Variants in MATR3 observed in about 807,000 individuals in gnomAD.
The protein encoded by MATR3 is matrin 3, also known as matrin-3.
MATR3 carries 4 observed loss-of-function variants against 85.5 expected under a neutral mutation model. The ratio of observed to expected loss-of-function variants is 0.05; its 90% CI spans 0.02 to 0.11. MATR3 has a LOEUF of 0.11. Ranked by LOEUF, MATR3 falls within the 10% of genes least tolerant of loss-of-function variation. The pLI is 1.00. For synonymous variants in MATR3, 336 were observed against 343.1 expected, an observed-to-expected ratio of 0.98 and a Z score of 0.23; for missense variants, 685 against 1,016.1, an observed-to-expected ratio of 0.67 and a Z score of 4.43.
chr5:139,294,815 G>T (rs1314124991), intron 1 of MATR3: 1 of 152,162 alleles, frequency 6.6e-6, no homozygotes, highest in East Asian at 1.9e-4. Context: ...TCTGTGTTCG[G>T]CATTTACCGT....
At chr5:139,301,611 C>T (rs981588742) in intron 1 of MATR3, among the ~76,000 whole-genome samples, 9 of 151,822 alleles carry the variant, frequency 5.9e-5, no homozygotes, top group African/African-American at 1.7e-4. Flanking sequence ...TATAAGCCAC[C>T]GCGCCCAGCC....
intron 2 of MATR3, among the ~76,000 whole-genome samples, chr5:139,309,611 T>A (rs1427149922): frequency 6.6e-6 from 1 of 152,126 alleles, no homozygotes; most frequent in Non-Finnish European, 1.5e-5. Flanking sequence ...AAATGCTAAA[T>A]TTAGGTTTAT....
intron 4 of MATR3, 159 bp from the exon 5 acceptor site, chr5:139,315,917 C>T: frequency 2.6e-6 from 2 of 758,142 alleles, no homozygotes; most frequent in Non-Finnish European, 4.5e-6. Context: ...AATTTGTATT[C>T]TTTTATTGTT....
intron 1 of MATR3, 139 bp downstream of exon 1, chr5:139,293,944 C>G: frequency 8.0e-7 from 1 of 1,243,310 alleles, no homozygotes; most frequent in Non-Finnish European, 1.0e-6. Flanking sequence ...TGCCTCCCTC[C>G]GCGTTGCGTA....
rs765314058 is a variant in MATR3, at chr5:139,331,672, C to T, written c.*2277C>T. The T allele has an allele frequency of 2.3e-6, 1 of 438,042 alleles. No individual in the cohort carries two copies. Among genetic ancestry groups the T allele is most frequent in the South Asian group, 1.6e-5 (1 of 60,804 alleles). The allele number at this position is 438,042 out of a possible 1,614,324, so 27.1% of individuals were successfully genotyped here. ...AAAGTGAATGAAACTTCTAGAAGTA[C>T]CTTGAGTTTGTTTTACAGTTCTTTT... On this transcript the variant is annotated 3_prime_UTR_variant, in exon 15 of 15. Transcript: ENST00000394805.
At chr5:139,309,263 T>C (rs887374009) in intron 2 of MATR3, among the ~76,000 whole-genome samples, 3 of 152,200 alleles carry the variant, frequency 2.0e-5, no homozygotes, top group Non-Finnish European at 4.4e-5. Context: ...GTCATTGTTA[T>C]AGCACCCCAC....
chr5:139,276,476 TGTTAAGAAA>T (rs2151850584), intron 2 of MATR3, among the ~76,000 whole-genome samples: 1 of 152,286 alleles, frequency 6.6e-6, no homozygotes, highest in African/African-American at 2.4e-5. Flanking sequence ...CCTCATAATG[TGTTAAGAAA>T]GTTTACCAAT....
Position 139,317,208 on chromosome 5 carries a change from C to T in MATR3, c.1182+103C>T, listed in dbSNP as rs757922406. On this transcript the variant is annotated intron_variant, in intron 6 of 14. Transcript: ENST00000394805. Reference sequence around the variant, plus strand: ...GTATGTATCGTGGTCCTTATGGGAACATTGCTGTAATTTGAAAACAATCAC... The same window carrying T: ...GTATGTATCGTGGTCCTTATGGGAATATTGCTGTAATTTGAAAACAATCAC... The T allele has an allele frequency of 2.7e-6, 3 of 1,115,480 alleles. No homozygotes were observed. In the Admixed American group the frequency reaches 5.7e-5, roughly 21 times the overall value. 69.1% of individuals were successfully genotyped at this position (1,115,480 alleles called of 1,614,324 possible).
In MATR3 at chr5:139,319,364, G is replaced by C; in HGVS notation, c.1465G>C (p.Asp489His). The change falls in exon 9 of 15, where the codon GAT becomes CAT. Residue 489 changes from aspartate to histidine, a missense_variant. Physicochemically the swap from Asp to His is moderately conservative, Grantham distance 81. Around this residue, in one of 9 missense-constraint regions of MATR3, gnomAD observed 30 missense variants for 23.9 expected, o/e 1.25. Transcript: ENST00000394805. ...KPEGKPDQKFDQKQELGRVIH... is the reference protein window; with the variant it reads ...KPEGKPDQKFHQKQELGRVIH... ...TGAAGGAAAGCCAGATCAGAAGTTT[G>C]ATCAAAAGCAAGAGCTTGGACGTGT... 6.2e-7 allele frequency: 1 copy of C among 1,614,124 alleles called. No individual in the cohort carries two copies. Among genetic ancestry groups the C allele is most frequent in the Non-Finnish European group, 8.5e-7 (1 of 1,180,028 alleles).
At position 139,315,767 on chromosome 5, in the gene MATR3, G is replaced by T; in HGVS notation, c.1016+29G>T. On this transcript the variant is annotated intron_variant, in intron 4 of 14. Transcript: ENST00000394805. Reference sequence around the variant, plus strand: ...AGTTAAATTTTTTAAGCTACCATTTGTAAAGGAGATCAATGTAAGGAATTC... The same window carrying T: ...AGTTAAATTTTTTAAGCTACCATTTTTAAAGGAGATCAATGTAAGGAATTC... 4 of 1,542,208 alleles carry T rather than the reference G, an allele frequency of 2.6e-6. No individual in the cohort carries two copies. In the South Asian group the frequency reaches 4.5e-5, roughly 17 times the overall value.
chr5:139,320,594 C>A (rs982902156), intron 9 of MATR3, among the ~76,000 whole-genome samples: 4 of 151,956 alleles, frequency 2.6e-5, no homozygotes, highest in Non-Finnish European at 5.9e-5. Flanking sequence ...TGGAGTGAGA[C>A]CCTGTCTCAA....
intron 1 of MATR3, among the ~76,000 whole-genome samples, chr5:139,300,930 C>G (rs1472148813): frequency 2.6e-5 from 4 of 152,208 alleles, no homozygotes; most frequent in African/African-American, 9.7e-5. Flanking sequence ...TCTCCTGCCT[C>G]AGCCTCCCGA....
intron 9 of MATR3, among the ~76,000 whole-genome samples, chr5:139,320,152 C>CA (rs1421374140): frequency 1.3e-5 from 2 of 150,838 alleles, no homozygotes; most frequent in Admixed American, 6.6e-5. Context: ...CCTAAAAATA[C>CA]AAAAAAATTA....
chr5:139,310,637 A>G (rs1754919830), intron 2 of MATR3: 1 of 152,208 alleles, frequency 6.6e-6, no homozygotes, highest in Non-Finnish European at 1.5e-5. Flanking sequence ...ATTGTTAAAT[A>G]GTCTACATGA....
chr5:139,321,936 A>T lies in MATR3; in HGVS notation c.1641A>T (p.Ala547=). Reference sequence around the variant, plus strand: ...TGGAGACAAGAGAAGATGCAATGGCAATGGTTGACCATTGTTTGAAAAAAG... The same window carrying T: ...TGGAGACAAGAGAAGATGCAATGGCTATGGTTGACCATTGTTTGAAAAAAG... The part of the protein sequence containing the change: ...IEMETREDAM[A]MVDHCLKKAL... The change falls in exon 10 of 15, where the codon GCA becomes GCT. Residue 547 remains alanine (A), a synonymous_variant. Coordinates refer to ENST00000394805, the MANE Select transcript of MATR3 (RefSeq NM_018834.6). 6.2e-7 allele frequency: 1 copy of T among 1,613,984 alleles called. No individual in the cohort carries two copies.
intron 1 of MATR3, among the ~76,000 whole-genome samples, chr5:139,300,296 C>G (rs1025854960): frequency 6.6e-6 from 1 of 152,120 alleles, no homozygotes; most frequent in Non-Finnish European, 1.5e-5. Flanking sequence ...ACCCGAGAGG[C>G]GGAGGTTGCA....
At chr5:139,282,039 A>T (rs151280611) in intron 3 of MATR3, among the ~76,000 whole-genome samples, 152 of 152,358 alleles carry the variant, frequency 1.0e-3, no homozygotes, top group African/African-American at 3.5e-3. Flanking sequence ...CAAAACCCAG[A>T]GGGATAAATT....
chr5:139,322,926 G>A lies in MATR3; in HGVS notation c.2107G>A (p.Asp703Asn), dbSNP rs1755650943. ...ACCATCAGATAAAGCTGTGAAAAAA[G>A]ATGGAAGTGCTTCAGCAGCAGCAAA... is the stretch of plus-strand genomic sequence containing the variant. The part of the protein sequence containing the change: ...KEPSDKAVKK[D>N]GSASAAAKKK... The change falls in exon 12 of 15, where the codon GAT becomes AAT. Residue 703 changes from aspartate (D) to asparagine (N), a missense_variant. Transcript: ENST00000394805. 6.2e-7 allele frequency: 1 copy of A among 1,613,982 alleles called. No homozygotes were observed. Among genetic ancestry groups the A allele is most frequent in the Non-Finnish European group, 8.5e-7 (1 of 1,179,998 alleles).
rs796858947 is a variant in MATR3 at position 139,307,139 on chromosome 5, GT to G, written c.-177-90del. On this transcript the variant is annotated intron_variant, in intron 1 of 14. Coordinates refer to ENST00000394805, the MANE Select transcript of MATR3 (RefSeq NM_018834.6). The surrounding 1 kb of genome is among the most constrained non-coding windows in gnomAD (Gnocchi z 4.4). ...TCCTTGTAAGTTTGAGATCTTAAAT[GT>G]TTTTTTTTTAAATCAACATGATGCA... The G allele has an allele frequency of 3.5e-3, 2,783 of 784,646 alleles. 1 individual carries two copies. The highest frequency in any genetic ancestry group is 4.3e-3 in the East Asian group (69 of 16,010). The allele number at this position is 784,646 out of a possible 1,614,324, so 48.6% of individuals were successfully genotyped here.
Sources: gnomAD v4.1 joint callset for allele counts (sites outside exome capture counted in the v4.1 genomes callset) on GRCh38, gnomAD v4.1.1 for gene constraint, gnomAD v4.1.1 regional missense constraint, Gnocchi (gnomAD v3.1) non-coding constraint, MANE v1.5 for transcripts, NCBI Gene and HGNC (gene_info 2026-07-23, HGNC 2026-07-21) for gene names.